Variants in RIT2 observed in about 807,000 individuals in gnomAD.
RIT2 encodes the protein GTP-binding protein Rit2.
Under a neutral mutation model 23.7 loss-of-function variants are expected in RIT2, and 24 were observed. That is an observed-to-expected ratio of 1.01 (90% CI 0.73 to 1.43). RIT2 has a LOEUF of 1.43. Among genes scored for constraint, RIT2 ranks in the 40% most tolerant of loss-of-function variants. RIT2 has a pLI of 0.00. For synonymous variants in RIT2, 107 were observed against 91.1 expected, an observed-to-expected ratio of 1.17 and a Z score of -0.99; for missense variants, 236 against 266.9, an observed-to-expected ratio of 0.88 and a Z score of 0.81.
At position 42,994,853 on chromosome 18, in the gene RIT2, C is replaced by G. The variant is rs185019156; in HGVS notation, c.161-20706G>C. Among the ~76,000 whole-genome samples the G allele has an allele frequency of 4.3e-4, 65 of 152,252 alleles. 1 individual carries two copies. The South Asian group carries it at 9.7e-3, about 23-fold the overall frequency. On this transcript the variant is annotated intron_variant, in intron 2 of 4. Transcript: ENST00000326695. ...TCTATTTTCTTCCTCACACCTGACA[C>G]ATATACTTTCTGCTCCCTGGCTCCT... is the stretch of plus-strand genomic sequence containing the variant.
chr18:42,846,524 A>G (rs2041701018), intron 4 of RIT2, among the ~76,000 whole-genome samples: 1 of 152,158 alleles, frequency 6.6e-6, no homozygotes, highest in African/African-American at 2.4e-5. Flanking sequence ...TCTCACAAAC[A>G]TAGGTGCCAA....
intron 4 of RIT2, among the ~76,000 whole-genome samples, chr18:42,770,892 A>G (rs1913536461): frequency 6.6e-6 from 1 of 152,140 alleles, no homozygotes; most frequent in Admixed American, 6.6e-5. Context: ...TTCATGTTAA[A>G]AAGGTCATTT....
At chr18:43,003,832 T>C (rs778878135) in intron 2 of RIT2, among the ~76,000 whole-genome samples, 98 of 148,730 alleles carry the variant, frequency 6.6e-4, no homozygotes, top group Non-Finnish European at 1.4e-3. Flanking sequence ...CTCCTAGGCC[T>C]ACCCAGGTTC....
At chr18:43,102,468 T>C (rs1913709511) in intron 1 of RIT2, among the ~76,000 whole-genome samples, 1 of 148,896 alleles carries the variant, frequency 6.7e-6, no homozygotes, top group African/African-American at 2.5e-5. Flanking sequence ...TTTTTTTTTT[T>C]CCGGAGAGTA....
chr18:42,961,970 G>A (rs184628998), intron 3 of RIT2, among the ~76,000 whole-genome samples: 6 of 152,240 alleles, frequency 3.9e-5, no homozygotes, highest in Non-Finnish European at 5.9e-5. Flanking sequence ...ATGTTTGGCT[G>A]CATCTCACCT....
intron 4 of RIT2, among the ~76,000 whole-genome samples, chr18:42,757,982 T>C (rs902996912): frequency 1.3e-5 from 2 of 152,056 alleles, no homozygotes; most frequent in African/African-American, 4.8e-5. Context: ...TTGATACCTC[T>C]ATCTGGGCTG....
intron 4 of RIT2, among the ~76,000 whole-genome samples, chr18:42,886,900 G>A (rs1325066310): frequency 6.6e-6 from 1 of 151,946 alleles, no homozygotes; most frequent in African/African-American, 2.4e-5. Flanking sequence ...TTTTCTTTTT[G>A]CAAGACCACA....
chr18:42,961,405 G>A (rs1016074690), intron 3 of RIT2, among the ~76,000 whole-genome samples: 2 of 152,210 alleles, frequency 1.3e-5, no homozygotes, highest in Non-Finnish European at 2.9e-5. Context: ...TTTAACACAG[G>A]AGTACTGAAT....
chr18:42,781,944 C>G (rs937512280), intron 4 of RIT2, among the ~76,000 whole-genome samples: 1 of 152,132 alleles, frequency 6.6e-6, no homozygotes, highest in Non-Finnish European at 1.5e-5. Context: ...CTATTTCTGG[C>G]ATTTTTCCTA....
intron 4 of RIT2, among the ~76,000 whole-genome samples, chr18:42,832,792 C>A (rs909786183): frequency 6.6e-6 from 1 of 152,026 alleles, no homozygotes; most frequent in African/African-American, 2.4e-5. Flanking sequence ...GTGGCTCAGT[C>A]CTGTAATCCC....
At chr18:43,081,539 A>T (rs1423600255) in intron 1 of RIT2, among the ~76,000 whole-genome samples, 1 of 152,100 alleles carries the variant, frequency 6.6e-6, no homozygotes, top group Non-Finnish European at 1.5e-5. Context: ...TGCTCTTACC[A>T]CTATTCATCA....
chr18:42,795,336 G>T (rs1302555935), intron 4 of RIT2, among the ~76,000 whole-genome samples: 1 of 152,182 alleles, frequency 6.6e-6, no homozygotes, highest in Non-Finnish European at 1.5e-5. Context: ...ACAGACGGCC[G>T]ACCCTGCCAG....
intron 4 of RIT2, among the ~76,000 whole-genome samples, chr18:42,818,192 T>C (rs1906051176): frequency 6.6e-6 from 1 of 152,066 alleles, no homozygotes; most frequent in Admixed American, 6.6e-5. Context: ...TATGAGTTAC[T>C]AAATATTCCA....
At chr18:42,886,054 A>T (rs1327913764) in intron 4 of RIT2, among the ~76,000 whole-genome samples, 1 of 152,230 alleles carries the variant, frequency 6.6e-6, no homozygotes, top group African/African-American at 2.4e-5. Context: ...TTCAAAAGGA[A>T]TTCTTCTCAA....
chr18:42,941,870 G>A (rs1909609169), intron 3 of RIT2, among the ~76,000 whole-genome samples: 1 of 152,044 alleles, frequency 6.6e-6, no homozygotes, highest in African/African-American at 2.4e-5. Flanking sequence ...GAACTAAAAA[G>A]GAGACAAACT....
chr18:42,855,149 A>G (rs1468936286), intron 4 of RIT2, among the ~76,000 whole-genome samples: 1 of 152,164 alleles, frequency 6.6e-6, no homozygotes, highest in Admixed American at 6.5e-5. Context: ...TTGCACAGCT[A>G]AGACATATCT....
chr18:42,891,842 C>T (rs1908186048), intron 4 of RIT2, among the ~76,000 whole-genome samples: 1 of 151,986 alleles, frequency 6.6e-6, no homozygotes, highest in Non-Finnish European at 1.5e-5. Context: ...TTTTCAAAAC[C>T]CATATAATGT....
At chr18:43,015,573 A>G (rs1438354566) in intron 2 of RIT2, among the ~76,000 whole-genome samples, 2 of 151,780 alleles carry the variant, frequency 1.3e-5, no homozygotes, top group African/African-American at 4.8e-5. Context: ...TAAAAACATG[A>G]TAATTTTTGA....
At chr18:42,965,711 CTTTTTTTTTTTTTTTTTTTTT>C (rs58344278) in intron 3 of RIT2, among the ~76,000 whole-genome samples, 1 of 37,770 alleles carries the variant, frequency 2.6e-5, no homozygotes, top group South Asian at 1.0e-3. Context: ...GTACTGATGG[CTTTTTTTTTTTTTTTTTTTTT>C]TTTTTTTTTT....
Sources: allele counts gnomAD v4.1 joint callset (sites outside exome capture counted in the v4.1 genomes callset), GRCh38; gene constraint gnomAD v4.1.1; transcripts MANE v1.5; gene names NCBI Gene and HGNC (gene_info 2026-07-23, HGNC 2026-07-21).